Variants in CORIN observed in about 807,000 individuals in gnomAD.
The protein encoded by CORIN is atrial natriuretic peptide-converting enzyme.
A neutral mutation model predicts 125.3 loss-of-function variants in CORIN; 117 were observed. That is an observed-to-expected ratio of 0.93 (90% CI 0.80 to 1.09). CORIN has a LOEUF of 1.09. Ranked by LOEUF, CORIN falls within the 50% of genes least tolerant of loss-of-function variation. The pLI is 0.00. For missense variants in CORIN, 1,253 were observed against 1,306.7 expected, an observed-to-expected ratio of 0.96 and a Z score of 0.63; for synonymous variants, 450 against 466.4, an observed-to-expected ratio of 0.96 and a Z score of 0.45.
chr4:47,773,354 G>C (rs2109891216), intron 3 of CORIN, among the ~76,000 whole-genome samples: 1 of 152,306 alleles, frequency 6.6e-6, no homozygotes, highest in Non-Finnish European at 1.5e-5. Flanking sequence ...TGAGATCTCA[G>C]TAGACTTTCA....
At chr4:47,678,732 T>A (rs1330861686) in intron 8 of CORIN, among the ~76,000 whole-genome samples, 1 of 152,240 alleles carries the variant, frequency 6.6e-6, no homozygotes, top group Non-Finnish European at 1.5e-5. Context: ...TTTTAGAGTA[T>A]CGGAAACCCA....
At chr4:47,612,608 G>T (rs16860444) in intron 19 of CORIN, among the ~76,000 whole-genome samples, 4,656 of 152,254 alleles carry the variant, frequency 0.031, 230 homozygotes, top group African/African-American at 0.11. Context: ...ACTCAGAGGA[G>T]ATGAGCAACT....
chr4:47,756,932 TATAAC>T (rs913306153), intron 4 of CORIN, among the ~76,000 whole-genome samples: 10 of 152,224 alleles, frequency 6.6e-5, no homozygotes, highest in Non-Finnish European at 1.5e-4. Flanking sequence ...AGCTCATTGT[TATAAC>T]ATATGATATA....
intron 6 of CORIN, among the ~76,000 whole-genome samples, chr4:47,684,113 T>G (rs1229726868): frequency 6.6e-6 from 1 of 152,240 alleles, no homozygotes; most frequent in African/African-American, 2.4e-5. Context: ...TTGTTAAAGA[T>G]GAGAAAAGAC....
At chr4:47,642,760 T>C (rs1723286647) in intron 15 of CORIN, 2 of 1,130,220 alleles carry the variant, frequency 1.8e-6, no homozygotes, top group Admixed American at 5.9e-5. Flanking sequence ...ACCTGAAGAG[T>C]GTAGGGAAGG....
In CORIN at chr4:47,645,080, C is replaced by G. The variant is rs745660976; in HGVS notation, c.1957+1G>C. ...GTTGACAAATTCGCATAAGCACTTA[C>G]AGCAGTTTTTCTCGTCCATGTAATC... On this transcript the variant is annotated splice_donor_variant, in intron 14 of 21. Transcript: ENST00000273857. LOFTEE classifies it high-confidence loss of function. 3.8e-6 allele frequency: 6 copies of G among 1,570,174 alleles called. No individual in the cohort carries two copies. Among genetic ancestry groups the G allele is most frequent in the Non-Finnish European group, 5.2e-6 (6 of 1,146,294 alleles).
At chr4:47,816,317 G>A (rs1447958377) in intron 1 of CORIN, among the ~76,000 whole-genome samples, 1 of 152,130 alleles carries the variant, frequency 6.6e-6, no homozygotes, top group Non-Finnish European at 1.5e-5. Flanking sequence ...CATATGTTTT[G>A]CTATAGTTCC....
In CORIN at chr4:47,661,500, CTTCT is replaced by C. The variant is rs1724248289; in HGVS notation, c.1735+207_1735+210del. 11 of 496,918 alleles carry C rather than the reference CTTCT, an allele frequency of 2.2e-5. No individual in the cohort carries two copies. The South Asian group carries it at 2.9e-4, about 13-fold the overall frequency. 30.8% of individuals were successfully genotyped at this position (496,918 alleles called of 1,614,324 possible). On this transcript the variant is annotated intron_variant, in intron 12 of 21. Coordinates refer to ENST00000273857, the MANE Select transcript of CORIN (RefSeq NM_006587.4). ...ATAAAAGAATAGAAATAGAAAATGA[CTTCT>C]TTATTTTTAAAATGAATGCAATATC... is the stretch of plus-strand genomic sequence containing the variant.
rs188053000 is a variant in CORIN at position 47,614,094 on chromosome 4, A to G, written c.2540+9477T>C. Among the ~76,000 whole-genome samples, 4 of 152,346 alleles carry G rather than the reference A, an allele frequency of 2.6e-5. No homozygotes were observed. In the East Asian group the frequency reaches 7.7e-4, roughly 29 times the overall value. ...AATGATGTGCAAAATAGAACAAGAAAAGAGGAAAATTGTTGTCTGTAGCAG... is the reference window on the plus strand; with the variant it reads ...AATGATGTGCAAAATAGAACAAGAAGAGAGGAAAATTGTTGTCTGTAGCAG... On this transcript the variant is annotated intron_variant, in intron 19 of 21. Coordinates refer to ENST00000273857, the MANE Select transcript of CORIN (RefSeq NM_006587.4).
At chr4:47,802,501 G>A (rs1308267983) in intron 2 of CORIN, among the ~76,000 whole-genome samples, 1 of 152,216 alleles carries the variant, frequency 6.6e-6, no homozygotes, top group Admixed American at 6.5e-5. Context: ...GGTGGTTGTG[G>A]TGGCCACAGG....
Position 47,674,380 on chromosome 4 carries a change from C to CTGT in CORIN, c.1357+10_1357+12dup. On this transcript the variant is annotated intron_variant, in intron 10 of 21. Transcript: ENST00000273857. ...CTGACATGGCTATTGCATTTGTCAG[C>CTGT]TGTTGTACTTACTACAGTTATTCAG... 6.4e-7 allele frequency: 1 copy of CTGT among 1,553,160 alleles called. No individual in the cohort carries two copies. Among genetic ancestry groups the CTGT allele is most frequent in the African/African-American group, 1.4e-5 (1 of 73,596 alleles).
At chr4:47,627,131 T>C (rs979050397) in intron 16 of CORIN, among the ~76,000 whole-genome samples, 2 of 151,992 alleles carry the variant, frequency 1.3e-5, no homozygotes, top group East Asian at 3.9e-4. Context: ...CACAGGTACA[T>C]GCAATCACGC....
In CORIN at chr4:47,603,498, T is replaced by G. The variant is rs899894928; in HGVS notation, c.2711A>C (p.Glu904Ala). The G allele has an allele frequency of 1.9e-6, 3 of 1,614,028 alleles. No homozygotes were observed. Among genetic ancestry groups the G allele is most frequent in the Admixed American group, 3.3e-5 (2 of 60,004 alleles). Reference sequence around the variant, plus strand: ...GCAGACAGGCCGGACGTAGCCAGTCTCACTGATGTCTTCACTCAGCTCAAC... The same window carrying G: ...GCAGACAGGCCGGACGTAGCCAGTCGCACTGATGTCTTCACTCAGCTCAAC... ...SIVELSEDIS[E>A]TGYVRPVCLP... The change falls in exon 20 of 22, where the codon GAG becomes GCG. Residue 904 changes from glutamate to alanine, a missense_variant. Transcript: ENST00000273857.
intron 1 of CORIN, among the ~76,000 whole-genome samples, chr4:47,817,641 G>A (rs183756742): frequency 1.3e-5 from 2 of 152,294 alleles, no homozygotes; most frequent in East Asian, 3.9e-4. Context: ...TGAGCTTCTA[G>A]TTTTGACTAT....
chr4:47,712,907 G>A (rs1023540399), intron 5 of CORIN, among the ~76,000 whole-genome samples: 2 of 152,190 alleles, frequency 1.3e-5, no homozygotes, highest in African/African-American at 2.4e-5. Flanking sequence ...GCTGCCAAAA[G>A]TGGAGAGTGG....
chr4:47,730,472 CAAAAAA>C (rs71199996), intron 5 of CORIN, among the ~76,000 whole-genome samples: 5,255 of 65,910 alleles, frequency 0.08, 293 homozygotes, highest in African/African-American at 0.24. Context: ...GACTCCATCT[CAAAAAA>C]AAAAAAAAAA....
At chr4:47,622,787 A>G (rs1414631693) in intron 19 of CORIN, among the ~76,000 whole-genome samples, 2 of 151,946 alleles carry the variant, frequency 1.3e-5, no homozygotes, top group Admixed American at 6.6e-5. Context: ...CCTGCCACCT[A>G]CCTCATCAGG....
chr4:47,783,399 T>C (rs1226520106), intron 3 of CORIN, among the ~76,000 whole-genome samples: 1 of 152,146 alleles, frequency 6.6e-6, no homozygotes, highest in Non-Finnish European at 1.5e-5. Flanking sequence ...AACCTAACTG[T>C]ACTACATAGT....
At chr4:47,635,179 G>C (rs561851914) in intron 16 of CORIN, among the ~76,000 whole-genome samples, 1 of 152,194 alleles carries the variant, frequency 6.6e-6, no homozygotes, top group African/African-American at 2.4e-5. Context: ...GAGCCAGATA[G>C]ACAAGGGTTA....
Sources: gnomAD v4.1 joint callset for allele counts (sites outside exome capture counted in the v4.1 genomes callset) on GRCh38, gnomAD v4.1.1 for gene constraint, MANE v1.5 for transcripts, NCBI Gene and HGNC (gene_info 2026-07-23, HGNC 2026-07-21) for gene names.